Variants in CCDC74A observed in about 807,000 individuals in gnomAD.
CCDC74A encodes coiled-coil domain containing 74A.
Under a neutral mutation model 37.6 loss-of-function variants are expected in CCDC74A, and 38 were observed. That is an observed-to-expected ratio of 1.01 (90% CI 0.78 to 1.33). CCDC74A has a LOEUF of 1.33. CCDC74A is among the 40% of genes most tolerant of loss of function. The probability of loss-of-function intolerance (pLI) is 0.00; values close to 1 mark genes in which losing one functional copy is unlikely to be tolerated. For missense variants in CCDC74A, 340 were observed against 403.4 expected (o/e 0.84, Z 1.35); for synonymous variants, 134 against 165.2 (o/e 0.81, Z 1.45).
upstream of CCDC74A, among the ~76,000 whole-genome samples, chr2:131,522,915 T>C (rs1431468019): frequency 6.6e-6 from 1 of 152,072 alleles, no homozygotes; most frequent in Admixed American, 6.5e-5. Flanking sequence ...GAGAGAACTC[T>C]CTGTTTTGAG....
At position 131,529,711 on chromosome 2, in the gene CCDC74A, G is replaced by C. The variant is rs1237532067; in HGVS notation, c.295+20G>C. ...AGAAAGGTGAGAACTGGGCCCTTCAGTGACTGATGGGATGCTCTTGCCACC... is the reference window on the plus strand; with the variant it reads ...AGAAAGGTGAGAACTGGGCCCTTCACTGACTGATGGGATGCTCTTGCCACC... On this transcript the variant is annotated intron_variant, in intron 2 of 7. Coordinates refer to ENST00000409856, the MANE Select transcript of CCDC74A (RefSeq NM_001258306.3). The C allele has an allele frequency of 3.1e-6, 5 of 1,613,140 alleles. No individual in the cohort carries two copies. The South Asian group carries it at 3.3e-5, about 11-fold the overall frequency.
At chr2:131,529,850 G>A (rs1270450442) in intron 2 of CCDC74A, 159 bp downstream of exon 2, 2 of 1,503,150 alleles carry the variant, frequency 1.3e-6, no homozygotes, top group South Asian at 1.3e-5. Flanking sequence ...CTCTAGCCGT[G>A]GCTGGACGAT....
At chr2:131,523,495 C>T (rs186151525), upstream of CCDC74A, among the ~76,000 whole-genome samples, 306 of 152,160 alleles carry the variant, frequency 2.0e-3, no homozygotes, top group African/African-American at 6.4e-3. Context: ...AGTGTGGTGG[C>T]GCATGCCTCT....
chr2:131,528,949 T>G (rs1215652571), intron 1 of CCDC74A, among the ~76,000 whole-genome samples: 2 of 126,040 alleles, frequency 1.6e-5, no homozygotes, highest in African/African-American at 6.0e-5. Flanking sequence ...GCTTCGCCTG[T>G]GCCCATGCTG....
At chr2:131,522,692 G>A (rs368474724), upstream of CCDC74A, among the ~76,000 whole-genome samples, 58 of 152,152 alleles carry the variant, frequency 3.8e-4, 2 homozygotes, top group South Asian at 9.1e-3. Flanking sequence ...GATCCCATTC[G>A]TGGCCCACTC....
rs1197552292 is a variant in CCDC74A at position 131,532,879 on chromosome 2, T to C, written c.694T>C (p.Ser232Pro). The C allele has an allele frequency of 6.2e-7, 1 of 1,613,350 alleles. No individual in the cohort carries two copies. The highest frequency in any genetic ancestry group is 1.1e-5 in the South Asian group (1 of 91,072). Reference sequence around the variant, plus strand: ...TGCCTTTCAGCTGCGGCACCTCAAGTCCCTCCTGGAAGGGAGCCAGAGGCC... The same window carrying C: ...TGCCTTTCAGCTGCGGCACCTCAAGCCCCTCCTGGAAGGGAGCCAGAGGCC... Reference protein sequence around the residue: ...LQTQELRHLKSLLEGSQRPQA... With the variant: ...LQTQELRHLKPLLEGSQRPQA... The change falls in exon 6 of 8, where the codon TCC (serine) becomes CCC (proline). Residue 232 changes from serine to proline, a missense_variant. Ser to Pro is a moderately conservative substitution (Grantham distance 74, BLOSUM62 -1). Transcript: ENST00000409856.
chr2:131,530,457 G>A lies in CCDC74A; in HGVS notation c.296-320G>A, dbSNP rs756314303. 1.4e-5 allele frequency: 21 copies of A among 1,542,638 alleles called. No homozygotes were observed. In the South Asian group the frequency reaches 2.3e-4, roughly 17 times the overall value. On this transcript the variant is annotated intron_variant, in intron 2 of 7. Coordinates refer to ENST00000409856, the MANE Select transcript of CCDC74A (RefSeq NM_001258306.3). Reference sequence around the variant, plus strand: ...ACTCCAGTGAGCTGTTCTGGGCAAAGTGTGGCCCAAGTCGGCAGCCCCAGC... The same window carrying A: ...ACTCCAGTGAGCTGTTCTGGGCAAAATGTGGCCCAAGTCGGCAGCCCCAGC...
upstream of CCDC74A, chr2:131,527,687 G>A (rs969127840): frequency 1.1e-4 from 49 of 426,796 alleles, no homozygotes; most frequent in Non-Finnish European, 1.7e-4. Flanking sequence ...TAGAGTTGGG[G>A]TTTCGCCATG....
At chr2:131,527,720 C>G (rs1680415378), upstream of CCDC74A, 1 of 530,876 alleles carries the variant, frequency 1.9e-6, no homozygotes. Context: ...GTCACGAACT[C>G]CTGACCTCAA....
chr2:131,522,631 C>G, the CCDC74A span, among the ~76,000 whole-genome samples: 1 of 152,182 alleles, frequency 6.6e-6, no homozygotes, highest in Non-Finnish European at 1.5e-5. Context: ...CCACCCCTGC[C>G]CCTTGCACCT....
chr2:131,526,739 G>T (rs1254255923), upstream of CCDC74A, among the ~76,000 whole-genome samples: 1 of 152,220 alleles, frequency 6.6e-6, no homozygotes, highest in African/African-American at 2.4e-5. Context: ...TGTTGGTCTG[G>T]TTAGGGGTTG....
chr2:131,525,901 G>A (rs1022167305), upstream of CCDC74A, among the ~76,000 whole-genome samples: 56 of 151,516 alleles, frequency 3.7e-4, no homozygotes, highest in African/African-American at 1.3e-3. Flanking sequence ...TGTATTTTTA[G>A]TAGAGATGGG....
chr2:131,532,764 C>T lies in CCDC74A; in HGVS notation c.661C>T (p.Leu221Phe). 6.2e-7 allele frequency: 1 copy of T among 1,613,614 alleles called. No homozygotes were observed. Among genetic ancestry groups the T allele is most frequent in the Non-Finnish European group, 8.5e-7 (1 of 1,179,782 alleles). Residue 221 changes from leucine to phenylalanine, a missense_variant, in exon 5 of 8, where the codon CTC becomes TTC. By Grantham distance (22) the Leu-to-Phe change is conservative (BLOSUM62 0). This residue lies in a region of CCDC74A where 185 missense variants were observed against 231.5 expected (regional missense o/e 0.80). Coordinates refer to ENST00000409856, the MANE Select transcript of CCDC74A (RefSeq NM_001258306.3). The stretch of plus-strand genomic sequence containing the variant: ...CATCCGCGAGCTGTGGAATACCAAC[C>T]TCCTGCAGACCCAAGAGGTGAGGCC... The part of the protein sequence containing the change: ...VLIRELWNTN[L>F]LQTQELRHLK...
intron 1 of CCDC74A, 195 bp from the exon 2 acceptor site, chr2:131,529,452 A>G: frequency 2.7e-6 from 2 of 749,708 alleles, no homozygotes; most frequent in Non-Finnish European, 4.7e-6. Flanking sequence ...TGCCTAGGGA[A>G]CAGGCAGGGC....
chr2:131,523,327 G>A (rs1479026798), upstream of CCDC74A, among the ~76,000 whole-genome samples: 2 of 152,154 alleles, frequency 1.3e-5, no homozygotes, highest in Non-Finnish European at 2.9e-5. Context: ...TTATTTCCCA[G>A]TCAAGAATTC....
upstream of CCDC74A, among the ~76,000 whole-genome samples, chr2:131,523,151 C>T (rs555311614): frequency 1.5e-4 from 23 of 152,270 alleles, no homozygotes; most frequent in Middle Eastern, 3.4e-3. Context: ...GTGATGGGAC[C>T]GCCTCCGCAT....
upstream of CCDC74A, among the ~76,000 whole-genome samples, chr2:131,524,444 G>A (rs887132137): frequency 2.2e-4 from 33 of 152,190 alleles, no homozygotes; most frequent in Non-Finnish European, 3.8e-4. Context: ...TAAATTGGTG[G>A]TGCAAGCAGC....
intron 2 of CCDC74A, 102 bp from the exon 3 acceptor site, chr2:131,530,675 G>C (rs1573539861): frequency 6.2e-7 from 1 of 1,613,146 alleles, no homozygotes; most frequent in Non-Finnish European, 8.5e-7. Context: ...GGAGGACCCA[G>C]CCCTGCCAGG....
At chr2:131,522,653 T>A in the CCDC74A span, among the ~76,000 whole-genome samples, 1 of 152,092 alleles carries the variant, frequency 6.6e-6, no homozygotes, top group African/African-American at 2.4e-5. Flanking sequence ...CGCATCGTCC[T>A]CCTTGCCCCG....
Sources: gnomAD v4.1 joint callset for allele counts (sites outside exome capture counted in the v4.1 genomes callset) on GRCh38, gnomAD v4.1.1 for gene constraint, gnomAD v4.1.1 regional missense constraint, MANE v1.5 for transcripts, NCBI Gene and HGNC (gene_info 2026-07-23, HGNC 2026-07-21) for gene names.